The following SLIT3 variants were observed in gnomAD, a reference collection of about 807,000 sequenced individuals.
The protein encoded by SLIT3 is slit guidance ligand 3, also known as slit homolog 3 protein.
Under a neutral mutation model 184.0 loss-of-function variants are expected in SLIT3, and 68 were observed. The ratio of observed to expected loss-of-function variants is 0.37; its 90% CI spans 0.30 to 0.45. The LOEUF (loss-of-function observed/expected upper bound fraction) is 0.45, where lower values mean the gene tolerates loss of function less well. Ranked by LOEUF, SLIT3 falls within the 20% of genes least tolerant of loss-of-function variation. SLIT3 has a pLI of 1.00. For synonymous variants in SLIT3, 831 were observed against 828.6 expected (o/e 1.00, Z -0.05); for missense variants, 1,707 against 2,026.0 (o/e 0.84, Z 3.02).
intron 4 of SLIT3, among the ~76,000 whole-genome samples, chr5:169,133,904 C>T (rs1450323241): frequency 2.6e-5 from 4 of 152,170 alleles, no homozygotes; most frequent in African/African-American, 4.8e-5. Flanking sequence ...ATTACTGTTC[C>T]GATGGAGTCT....
intron 27 of SLIT3, among the ~76,000 whole-genome samples, chr5:168,699,891 CT>C (rs1489943272): frequency 2.0e-5 from 3 of 152,198 alleles, no homozygotes; most frequent in Non-Finnish European, 4.4e-5. Context: ...GACGGGCAGT[CT>C]TTAAGCCTTC....
intron 5 of SLIT3, among the ~76,000 whole-genome samples, chr5:168,870,012 C>T (rs928478712): frequency 7.9e-5 from 12 of 152,222 alleles, no homozygotes; most frequent in Non-Finnish European, 1.3e-4. Context: ...TGCTCCGTGC[C>T]GGCACGGCAG....
intron 1 of SLIT3, among the ~76,000 whole-genome samples, chr5:169,257,710 G>A (rs748797656): frequency 9.2e-5 from 14 of 151,554 alleles, no homozygotes; most frequent in Admixed American, 2.6e-4. Flanking sequence ...CTGCCACCAC[G>A]CCTGGCTAAT....
chr5:168,814,995 G>A (rs1031707348), intron 8 of SLIT3, among the ~76,000 whole-genome samples: 1 of 151,930 alleles, frequency 6.6e-6, no homozygotes, highest in African/African-American at 2.4e-5. Context: ...ATGCATAGGG[G>A]TCTCAATATG....
At chr5:169,143,904 T>C (rs930601479) in intron 4 of SLIT3, among the ~76,000 whole-genome samples, 1 of 152,192 alleles carries the variant, frequency 6.6e-6, no homozygotes, top group Non-Finnish European at 1.5e-5. Context: ...CAGAGTCACA[T>C]GGCTCCATGG....
At chr5:169,260,280 C>G (rs1017927826) in intron 1 of SLIT3, among the ~76,000 whole-genome samples, 30 of 152,276 alleles carry the variant, frequency 2.0e-4, no homozygotes, top group South Asian at 4.1e-4. Flanking sequence ...GAGGTTCCAA[C>G]CAAATCAGAA....
At chr5:169,201,076 A>G (rs1763892323) in intron 3 of SLIT3, among the ~76,000 whole-genome samples, 1 of 152,230 alleles carries the variant, frequency 6.6e-6, no homozygotes, top group Non-Finnish European at 1.5e-5. Context: ...AGTGTGGACC[A>G]ACCCACAATT....
chr5:168,987,924 ACACATGGGACCACTGTGT>A (rs1162514572), intron 4 of SLIT3, among the ~76,000 whole-genome samples: 1 of 152,226 alleles, frequency 6.6e-6, no homozygotes, highest in Non-Finnish European at 1.5e-5. Flanking sequence ...CACTACCTGT[ACACATGGGACCACTGTGT>A]CACAGCTGAA....
At chr5:168,763,160 G>T (rs746554516) in intron 14 of SLIT3, among the ~76,000 whole-genome samples, 2 of 152,104 alleles carry the variant, frequency 1.3e-5, no homozygotes, top group African/African-American at 2.4e-5. Context: ...TATGCCAGGG[G>T]TAGGGGTAAA....
chr5:168,985,846 G>A (rs2113370226), intron 4 of SLIT3, among the ~76,000 whole-genome samples: 1 of 152,208 alleles, frequency 6.6e-6, no homozygotes, highest in Admixed American at 6.5e-5. Context: ...ATGGCGGGGG[G>A]TAGGAAGAGA....
intron 3 of SLIT3, among the ~76,000 whole-genome samples, chr5:169,204,910 G>A (rs1412520766): frequency 1.3e-5 from 2 of 152,192 alleles, no homozygotes; most frequent in South Asian, 2.1e-4. Flanking sequence ...AGTGAGATTC[G>A]TCCACAGAAG....
chr5:168,753,234 G>T (rs1754780600), intron 17 of SLIT3, 136 bp from the exon 18 acceptor site: 5 of 884,710 alleles, frequency 5.7e-6, no homozygotes, highest in Admixed American at 4.9e-5. Context: ...TGTTGATCAG[G>T]TTTGTCCTGT....
intron 4 of SLIT3, among the ~76,000 whole-genome samples, chr5:168,927,760 A>G (rs1464931868): frequency 6.6e-6 from 1 of 152,198 alleles, no homozygotes; most frequent in Non-Finnish European, 1.5e-5. Context: ...ATTACATCAC[A>G]TATGTCCTTG....
chr5:169,073,816 G>T (rs998385809), intron 4 of SLIT3, among the ~76,000 whole-genome samples: 1 of 152,104 alleles, frequency 6.6e-6, no homozygotes, highest in African/African-American at 2.4e-5. Context: ...AAAAGCAGAT[G>T]CTTGCACCAC....
At chr5:168,988,773 A>ACCCC (rs113631292) in intron 4 of SLIT3, among the ~76,000 whole-genome samples, 17 of 146,196 alleles carry the variant, frequency 1.2e-4, no homozygotes, top group African/African-American at 4.3e-4. Context: ...CAACTAGGAG[A>ACCCC]CCCCCCCCCA....
At chr5:168,796,180 T>A (rs1365174541) in intron 9 of SLIT3, among the ~76,000 whole-genome samples, 1 of 152,190 alleles carries the variant, frequency 6.6e-6, no homozygotes, top group Non-Finnish European at 1.5e-5. Flanking sequence ...GGGCCCAGAC[T>A]GGACCACTCC....
At chr5:168,933,760 A>G (rs1762069295) in intron 4 of SLIT3, among the ~76,000 whole-genome samples, 1 of 152,160 alleles carries the variant, frequency 6.6e-6, no homozygotes, top group Admixed American at 6.5e-5. Flanking sequence ...GAGACCCTGG[A>G]GGTCGTCAAA....
At chr5:169,152,551 G>A (rs1762151373) in intron 4 of SLIT3, among the ~76,000 whole-genome samples, 1 of 152,160 alleles carries the variant, frequency 6.6e-6, no homozygotes, top group Admixed American at 6.5e-5. Flanking sequence ...ATTTTGCGGG[G>A]TAATTTTGAC....
intron 5 of SLIT3, among the ~76,000 whole-genome samples, chr5:168,848,539 A>G (rs567513849): frequency 2.6e-4 from 40 of 152,150 alleles, no homozygotes; most frequent in Non-Finnish European, 5.6e-4. Flanking sequence ...CTGTCTCTGA[A>G]TAAGCCAAGA....
Sources: allele counts gnomAD v4.1 joint callset (sites outside exome capture counted in the v4.1 genomes callset), GRCh38; gene constraint gnomAD v4.1.1; transcripts MANE v1.5; gene names NCBI Gene and HGNC (gene_info 2026-07-23, HGNC 2026-07-21).